Variants in EIF2B3 observed in about 807,000 individuals in gnomAD.
The protein encoded by EIF2B3 is eukaryotic translation initiation factor 2B subunit gamma, also known as translation initiation factor eIF2B subunit gamma.
A neutral mutation model predicts 54.1 loss-of-function variants in EIF2B3; 20 were observed. The observed-to-expected ratio is 0.37, with a 90% confidence interval of 0.26 to 0.54. The LOEUF is 0.54. Ranked by LOEUF, EIF2B3 falls within the 20% of genes least tolerant of loss-of-function variation. The pLI, the probability that EIF2B3 is intolerant of heterozygous loss-of-function variation, is 0.86. For synonymous variants in EIF2B3, 153 were observed against 188.1 expected (o/e 0.81, Z 1.52); for missense variants, 448 against 547.8 (o/e 0.82, Z 1.82).
intron 2 of EIF2B3, 80 bp from the exon 3 acceptor site, chr1:44,978,540 G>T: frequency 6.8e-7 from 1 of 1,468,800 alleles, no homozygotes; most frequent in Non-Finnish European, 9.3e-7. Flanking sequence ...AATTAGATTT[G>T]GTCTATTTCT....
chr1:44,910,381 C>G lies in EIF2B3; in HGVS notation c.567-12937G>C, dbSNP rs185694592. ...ATTTTCAGTAACAAGCTCCTTCTACCAGAACATTCTTTCCTACTACATGTA... is the reference window on the plus strand; with the variant it reads ...ATTTTCAGTAACAAGCTCCTTCTACGAGAACATTCTTTCCTACTACATGTA... On this transcript the variant is annotated intron_variant, in intron 5 of 11. Coordinates refer to ENST00000360403, the MANE Select transcript of EIF2B3 (RefSeq NM_020365.5). Among the ~76,000 whole-genome samples, 270 of 152,266 alleles carry G rather than the reference C, an allele frequency of 1.8e-3. 1 individual carries two copies. Among genetic ancestry groups the G allele is most frequent in the African/African-American group, 6.2e-3 (256 of 41,536 alleles).
At position 44,971,107 on chromosome 1, in the gene EIF2B3, G is replaced by A. The variant is rs182933817; in HGVS notation, c.294+7208C>T. Among the ~76,000 whole-genome samples the A allele has an allele frequency of 4.0e-4, 61 of 152,286 alleles. No individual in the cohort carries two copies. In the East Asian group the frequency reaches 8.9e-3, roughly 22 times the overall value. On this transcript the variant is annotated intron_variant, in intron 3 of 11. Transcript: ENST00000360403. ...GAGTAAAAGATCAAAGTCATGGCCGGGCGCAGTGGCTCACGCCTATAATCC... is the reference window on the plus strand; with the variant it reads ...GAGTAAAAGATCAAAGTCATGGCCGAGCGCAGTGGCTCACGCCTATAATCC...
At chr1:44,920,751 T>C (rs930079471) in intron 5 of EIF2B3, among the ~76,000 whole-genome samples, 5 of 152,250 alleles carry the variant, frequency 3.3e-5, no homozygotes, top group African/African-American at 1.2e-4. Flanking sequence ...TAGTACTTAA[T>C]TGTGTATATG....
intron 5 of EIF2B3, among the ~76,000 whole-genome samples, chr1:44,918,209 G>C (rs2355951): frequency 0.016 from 2,384 of 150,270 alleles, 36 homozygotes; most frequent in African/African-American, 0.039. Flanking sequence ...TCAGCCTCCC[G>C]AGTAGCTGGG....
At chr1:44,872,863 G>A (rs935555512) in intron 10 of EIF2B3, among the ~76,000 whole-genome samples, 8 of 152,142 alleles carry the variant, frequency 5.3e-5, no homozygotes, top group South Asian at 2.1e-4. Flanking sequence ...GACTTATGTC[G>A]TTTTGTTTCT....
intron 4 of EIF2B3, among the ~76,000 whole-genome samples, chr1:44,934,821 T>C (rs1227083944): frequency 6.6e-6 from 1 of 151,988 alleles, no homozygotes; most frequent in African/African-American, 2.4e-5. Context: ...TTTTTTAAAA[T>C]GGGGTGGGAT....
At chr1:44,927,088 C>T (rs75108207) in intron 4 of EIF2B3, among the ~76,000 whole-genome samples, 3 of 151,198 alleles carry the variant, frequency 2.0e-5, no homozygotes, top group Non-Finnish European at 2.9e-5. Flanking sequence ...GAGCTGAGAT[C>T]GTGCCACTGT....
intron 11 of EIF2B3, among the ~76,000 whole-genome samples, chr1:44,855,089 C>CAA (rs111960773): frequency 5.4e-4 from 51 of 95,234 alleles, no homozygotes; most frequent in South Asian, 2.7e-3. Flanking sequence ...GGCTCAGTCT[C>CAA]AAAAAAAAAA....
intron 8 of EIF2B3, 60 bp from the exon 9 acceptor site, chr1:44,875,755 C>T (rs1655106026): frequency 7.5e-7 from 1 of 1,332,442 alleles, no homozygotes; most frequent in Non-Finnish European, 1.1e-6. Context: ...CTCTCCCTCT[C>T]CCTCTCCCTC....
intron 2 of EIF2B3, among the ~76,000 whole-genome samples, chr1:44,979,452 C>T (rs1569890113): frequency 2.3e-5 from 3 of 130,004 alleles, no homozygotes; most frequent in South Asian, 2.4e-4. Flanking sequence ...GCCTGGGTAA[C>T]GTGGCGAAAC....
At chr1:44,985,983 A>G (rs1302554958) in intron 1 of EIF2B3, among the ~76,000 whole-genome samples, 1 of 152,166 alleles carries the variant, frequency 6.6e-6, no homozygotes, top group Non-Finnish European at 1.5e-5. Context: ...CCTGCATCCA[A>G]ACAACTAAAG....
At chr1:44,945,347 G>A (rs1644088066) in intron 3 of EIF2B3, among the ~76,000 whole-genome samples, 3 of 151,950 alleles carry the variant, frequency 2.0e-5, no homozygotes, top group South Asian at 2.1e-4. Context: ...AACGTCAGGA[G>A]ATCGAGACCA....
chr1:44,926,582 T>A (rs765344307), intron 5 of EIF2B3, 46 bp downstream of exon 5: 5 of 1,527,816 alleles, frequency 3.3e-6, no homozygotes, highest in Non-Finnish European at 4.5e-6. Flanking sequence ...TTTTATTTTG[T>A]TTTAAGACAA....
intron 6 of EIF2B3, among the ~76,000 whole-genome samples, chr1:44,893,135 C>T (rs2148912404): frequency 6.6e-6 from 1 of 152,316 alleles, no homozygotes; most frequent in South Asian, 2.1e-4. Context: ...TCATATATAG[C>T]TCACTGTAGC....
chr1:44,954,167 T>C (rs1226148050), intron 3 of EIF2B3, among the ~76,000 whole-genome samples: 1 of 152,154 alleles, frequency 6.6e-6, no homozygotes, highest in African/African-American at 2.4e-5. Flanking sequence ...ACAACTCATA[T>C]AAAGCAAAAA....
chr1:44,986,174 A>G (rs868163065), intron 1 of EIF2B3, among the ~76,000 whole-genome samples: 1 of 139,924 alleles, frequency 7.1e-6, no homozygotes, highest in Non-Finnish European at 1.5e-5. Context: ...GAGTCTCACT[A>G]TGTTGCCCAG....
intron 3 of EIF2B3, among the ~76,000 whole-genome samples, chr1:44,956,672 G>A (rs1403179294): frequency 6.6e-6 from 1 of 152,034 alleles, no homozygotes. Flanking sequence ...CTCAGCTTGG[G>A]AATTTAGTAT....
At chr1:44,924,423 G>A (rs1443029933) in intron 5 of EIF2B3, among the ~76,000 whole-genome samples, 1 of 151,582 alleles carries the variant, frequency 6.6e-6, no homozygotes, top group Non-Finnish European at 1.5e-5. Context: ...TGTTTTTTGA[G>A]ACCGAGTCTC....
At chr1:44,866,855 G>A (rs1167169825) in intron 10 of EIF2B3, among the ~76,000 whole-genome samples, 1 of 152,178 alleles carries the variant, frequency 6.6e-6, no homozygotes, top group African/African-American at 2.4e-5. Context: ...ATGCCTGGCC[G>A]GCTATGACAT....
Sources: gnomAD v4.1 joint callset for allele counts (sites outside exome capture counted in the v4.1 genomes callset) on GRCh38, gnomAD v4.1.1 for gene constraint, MANE v1.5 for transcripts, NCBI Gene and HGNC (gene_info 2026-07-23, HGNC 2026-07-21) for gene names.